Variants in CD99L2 observed in about 807,000 individuals in gnomAD.
CD99L2 encodes CD99 molecule like 2.
A neutral mutation model predicts 27.3 loss-of-function variants in CD99L2; 24 were observed. That is an observed-to-expected ratio of 0.88 (90% CI 0.64 to 1.24). The LOEUF is 1.24. CD99L2 is among the 50% of genes most tolerant of loss of function. The pLI is 0.00. For missense variants in CD99L2, 255 were observed against 221.6 expected, an observed-to-expected ratio of 1.15 and a Z score of -0.96; for synonymous variants, 97 against 87.9, an observed-to-expected ratio of 1.10 and a Z score of -0.58.
intron 1 of CD99L2, among the ~76,000 whole-genome samples, chrX:150,895,676 G>C (rs2124400229): frequency 9.0e-6 from 1 of 111,638 alleles, no homozygotes; most frequent in East Asian, 2.8e-4. Context: ...AGACTACCAG[G>C]ATCCCAGAGA....
chrX:150,796,700 T>A (rs2045802827), intron 4 of CD99L2, among the ~76,000 whole-genome samples: 1 of 112,078 alleles, frequency 8.9e-6, no homozygotes, highest in Non-Finnish European at 1.9e-5. Context: ...AGTAAACAAT[T>A]GTTTAAGCAC....
chrX:150,797,146 A>G (rs1406476666), intron 4 of CD99L2, among the ~76,000 whole-genome samples: 2 of 111,610 alleles, frequency 1.8e-5, no homozygotes, highest in Non-Finnish European at 3.8e-5. Flanking sequence ...GATGGAAAAA[A>G]TAAACACAAG....
At chrX:150,837,035 A>G (rs910909600) in intron 1 of CD99L2, among the ~76,000 whole-genome samples, 1 of 111,835 alleles carries the variant, frequency 8.9e-6, no homozygotes, top group Non-Finnish European at 1.9e-5. Context: ...GGGTTAGTAT[A>G]AAGACATATA....
At chrX:150,845,480 G>A (rs782497817) in intron 1 of CD99L2, among the ~76,000 whole-genome samples, 8 of 111,485 alleles carry the variant, frequency 7.2e-5, no homozygotes, top group Non-Finnish European at 1.5e-4. Flanking sequence ...TCCATATACT[G>A]TCCCTGGCAT....
intron 4 of CD99L2, among the ~76,000 whole-genome samples, chrX:150,809,977 T>C (rs782165923): frequency 8.0e-5 from 9 of 112,077 alleles, no homozygotes; most frequent in East Asian, 2.8e-4. Flanking sequence ...CAAAAGTTGA[T>C]AGAGCTAAAG....
intron 7 of CD99L2, among the ~76,000 whole-genome samples, chrX:150,792,582 G>A (rs782005666): frequency 3.6e-5 from 4 of 112,202 alleles, no homozygotes; most frequent in Non-Finnish European, 7.5e-5. Context: ...GTTCTTGCAA[G>A]AAAAGAGCAA....
chrX:150,838,149 C>A (rs1412153248), intron 1 of CD99L2, among the ~76,000 whole-genome samples: 7 of 112,061 alleles, frequency 6.2e-5, no homozygotes, highest in African/African-American at 1.3e-4. Flanking sequence ...CATCAAATAA[C>A]TCCTGACTGG....
At chrX:150,866,508 G>A (rs2124332609) in intron 1 of CD99L2, among the ~76,000 whole-genome samples, 1 of 111,104 alleles carries the variant, frequency 9.0e-6, no homozygotes, top group East Asian at 2.8e-4. Context: ...CAAGGCAGAA[G>A]GATTGCTTGA....
At position 150,768,944 on chromosome X, in the gene CD99L2, C is replaced by T. The variant is rs1199675376; in HGVS notation, c.*90G>A. On this transcript the variant is annotated 3_prime_UTR_variant, in exon 11 of 11. Coordinates refer to ENST00000370377, the MANE Select transcript of CD99L2 (RefSeq NM_031462.4). ...ACAAGGAGCCGATGGCACAGAGCAG[C>T]ACAGCAGCTGCGGGTCCAAATGAAG... 82 of 1,093,719 alleles carry T rather than the reference C, an allele frequency of 7.5e-5. No homozygotes were observed. The highest frequency in any genetic ancestry group is 9.5e-5 in the Non-Finnish European group (81 of 849,671). The allele number at this position is 1,093,719 out of a possible 1,213,427, so 90.1% of individuals were successfully genotyped here.
At chrX:150,866,012 T>G (rs2047055281) in intron 1 of CD99L2, among the ~76,000 whole-genome samples, 6 of 111,830 alleles carry the variant, frequency 5.4e-5, no homozygotes, top group Non-Finnish European at 1.1e-4. Context: ...TCCGTGCTAC[T>G]CTGGAGGCTG....
intron 1 of CD99L2, among the ~76,000 whole-genome samples, chrX:150,885,513 G>A (rs66885708): frequency 0.2 from 21,722 of 111,328 alleles, 1,666 homozygotes; most frequent in African/African-American, 0.29. Flanking sequence ...ATTTCAGCAT[G>A]GAAAAAATTA....
At chrX:150,836,329 T>A (rs1024367858) in intron 1 of CD99L2, among the ~76,000 whole-genome samples, 1 of 104,082 alleles carries the variant, frequency 9.6e-6, no homozygotes, top group African/African-American at 3.6e-5. Context: ...AAGCTAAGTA[T>A]GAAATCATAT....
At chrX:150,777,936 C>G (rs781997107) in intron 7 of CD99L2, among the ~76,000 whole-genome samples, 68 of 112,110 alleles carry the variant, frequency 6.1e-4, no homozygotes, top group African/African-American at 2.1e-3. Flanking sequence ...GGAACATAAA[C>G]AAATGTAGGC....
chrX:150,887,753 G>C (rs1333509717), intron 1 of CD99L2, among the ~76,000 whole-genome samples: 1 of 111,977 alleles, frequency 8.9e-6, no homozygotes, highest in Admixed American at 9.5e-5. Flanking sequence ...CGCTCAGAGA[G>C]AGAGAACCCG....
chrX:150,783,253 T>C (rs2045542587), intron 7 of CD99L2, among the ~76,000 whole-genome samples: 2 of 111,132 alleles, frequency 1.8e-5, no homozygotes, highest in Non-Finnish European at 1.9e-5. Flanking sequence ...TATAACTATG[T>C]AACAAACCTG....
chrX:150,867,892 CAAAAAAAAAAA>C (rs782516457), intron 1 of CD99L2, among the ~76,000 whole-genome samples: 2 of 19,223 alleles, frequency 1.0e-4, no homozygotes, highest in Non-Finnish European at 7.9e-5. Flanking sequence ...GACTCTGTCT[CAAAAAAAAAAA>C]AAAAAAAAAA....
At chrX:150,835,532 C>T (rs1317641083) in intron 1 of CD99L2, among the ~76,000 whole-genome samples, 2 of 110,609 alleles carry the variant, frequency 1.8e-5, no homozygotes, top group South Asian at 3.9e-4. Flanking sequence ...TAAAAAGCAA[C>T]GATAACAAAA....
chrX:150,769,806 T>C (rs1451072852), intron 10 of CD99L2, among the ~76,000 whole-genome samples: 1 of 112,607 alleles, frequency 8.9e-6, no homozygotes, highest in Non-Finnish European at 1.9e-5. Context: ...CCTGAACTTA[T>C]GCGACCTCAA....
At chrX:150,777,385 T>A (rs782672663) in intron 8 of CD99L2, 59 bp downstream of exon 8, 34 of 1,183,107 alleles carry the variant, frequency 2.9e-5, no homozygotes, top group Non-Finnish European at 3.4e-5. Context: ...GATTTTGGGG[T>A]CCTGAGATTC....
Sources: allele counts gnomAD v4.1 joint callset (sites outside exome capture counted in the v4.1 genomes callset), GRCh38; gene constraint gnomAD v4.1.1; transcripts MANE v1.5; gene names NCBI Gene and HGNC (gene_info 2026-07-23, HGNC 2026-07-21).